SP4: variants seen among roughly 807,000 people sequenced by gnomAD.
SP4 encodes the protein Sp4 transcription factor.
In SP4, 19 loss-of-function variants were observed where a neutral mutation model predicts 72.8. That is an observed-to-expected ratio of 0.26 (90% CI 0.18 to 0.38). The LOEUF is 0.38. SP4 is among the 10% of genes least tolerant of loss of function. The pLI, the probability that SP4 is intolerant of heterozygous loss-of-function variation, is 1.00. For missense variants in SP4, 1,008 were observed against 926.3 expected (o/e 1.09, Z -1.14); for synonymous variants, 395 against 333.1 (o/e 1.19, Z -2.02).
chr7:21,465,256 G>C (rs1253223902), intron 3 of SP4, among the ~76,000 whole-genome samples: 1 of 152,146 alleles, frequency 6.6e-6, no homozygotes, highest in Non-Finnish European at 1.5e-5. Context: ...AGTTTCAAAA[G>C]AGCAATACCT....
In SP4 at chr7:21,513,914, AG is replaced by A. The variant is rs1396679268; in HGVS notation, c.*2646del. ...CTGAGTCTACTTTTCTGTCTTTAGA[AG>A]AATCGTAAATTTCAGTGTCCTTTAT... On this transcript the variant is annotated 3_prime_UTR_variant, in exon 6 of 6. Coordinates refer to ENST00000222584, the MANE Select transcript of SP4 (RefSeq NM_003112.5). The A allele has an allele frequency of 6.6e-6, 1 of 152,486 alleles. No homozygotes were observed. The highest frequency in any genetic ancestry group is 2.4e-5 in the African/African-American group (1 of 41,464). The allele number at this position is 152,486 out of a possible 1,614,324, so 9.4% of individuals were successfully genotyped here. A position where few individuals can be genotyped will look rare whatever the true frequency, so the allele number is the denominator to read the frequency against.
chr7:21,466,946 A>G (rs890883025), intron 3 of SP4, among the ~76,000 whole-genome samples: 6 of 152,154 alleles, frequency 3.9e-5, no homozygotes, highest in African/African-American at 1.4e-4. Context: ...TGTAGTTTTT[A>G]TAGGGATCAC....
rs1782207965 is a variant in SP4 at position 21,513,983 on chromosome 7, AT to A, written c.*2715del. The A allele has an allele frequency of 6.6e-6, 1 of 152,644 alleles. No individual in the cohort carries two copies. Among genetic ancestry groups the A allele is most frequent in the African/African-American group, 2.4e-5 (1 of 41,464 alleles). 9.5% of individuals were successfully genotyped at this position (152,644 alleles called of 1,614,324 possible). On this transcript the variant is annotated 3_prime_UTR_variant, in exon 6 of 6. Coordinates refer to ENST00000222584, the MANE Select transcript of SP4 (RefSeq NM_003112.5). ...AGCTGTTATAAGTAATAGGGCACAG[AT>A]GTGCAGTAGAGTCTTGTTTAATGGC...
intron 3 of SP4, among the ~76,000 whole-genome samples, chr7:21,464,786 C>T (rs77829519): frequency 0.014 from 2,094 of 152,016 alleles, 45 homozygotes; most frequent in East Asian, 0.079. Context: ...GTAATAGAGC[C>T]CAATGTAGAA....
intron 3 of SP4, among the ~76,000 whole-genome samples, chr7:21,465,123 T>C (rs150201460): frequency 0.013 from 1,912 of 152,332 alleles, 14 homozygotes; most frequent in South Asian, 0.033. Flanking sequence ...TTGACAGTTA[T>C]CTGGAGCAAG....
intron 3 of SP4, among the ~76,000 whole-genome samples, chr7:21,444,310 C>A (rs1783354761): frequency 6.6e-6 from 1 of 152,142 alleles, no homozygotes; most frequent in South Asian, 2.1e-4. Context: ...AAGGGTACTT[C>A]TTTGAACCTT....
chr7:21,435,122 G>T (rs183353998), intron 3 of SP4, among the ~76,000 whole-genome samples: 1 of 152,092 alleles, frequency 6.6e-6, no homozygotes, highest in Non-Finnish European at 1.5e-5. Context: ...ACTTATTTTT[G>T]GCAGTAATCA....
intron 5 of SP4, among the ~76,000 whole-genome samples, chr7:21,495,751 A>G (rs146434954): frequency 1.1e-4 from 16 of 152,280 alleles, no homozygotes; most frequent in Middle Eastern, 3.4e-3. Flanking sequence ...CTGAGTATTT[A>G]CCCAAGAGAA....
chr7:21,474,449 T>G (rs1784435742), intron 3 of SP4, among the ~76,000 whole-genome samples: 1 of 152,218 alleles, frequency 6.6e-6, no homozygotes, highest in Admixed American at 6.5e-5. Context: ...AATGCATTTT[T>G]TGCAGTAAAC....
At chr7:21,428,487 A>C (rs1277677974) in intron 1 of SP4, among the ~76,000 whole-genome samples, 190 bp from the exon 2 acceptor site, 1 of 151,982 alleles carries the variant, frequency 6.6e-6, no homozygotes, top group African/African-American at 2.4e-5. Flanking sequence ...GTCGGGTTTC[A>C]AACCACGTTT....
chr7:21,491,099 G>A (rs536658538), intron 5 of SP4, among the ~76,000 whole-genome samples: 57 of 152,164 alleles, frequency 3.7e-4, no homozygotes, highest in African/African-American at 1.3e-3. Flanking sequence ...TCTAGATTTC[G>A]GAATTATCAG....
In SP4 at chr7:21,428,556, A is replaced by T. The variant is rs1782707042; in HGVS notation, c.8-121A>T. The T allele has an allele frequency of 5.0e-6, 5 of 993,088 alleles. No homozygotes were observed. In the East Asian group the frequency reaches 1.1e-4, roughly 21 times the overall value. 61.5% of individuals were successfully genotyped at this position (993,088 alleles called of 1,614,324 possible). A position where few individuals can be genotyped will look rare whatever the true frequency, so the allele number is the denominator to read the frequency against. On this transcript the variant is annotated intron_variant, in intron 1 of 5. Coordinates refer to ENST00000222584, the MANE Select transcript of SP4 (RefSeq NM_003112.5). ...CCCCACCCCCTGCCGGTGTGCGTGGATCGCGGGTTTATGGAGATTAATGTT... is the reference window on the plus strand; with the variant it reads ...CCCCACCCCCTGCCGGTGTGCGTGGTTCGCGGGTTTATGGAGATTAATGTT...
chr7:21,492,611 A>G (rs1166579497), intron 5 of SP4, among the ~76,000 whole-genome samples: 2 of 152,232 alleles, frequency 1.3e-5, no homozygotes, highest in Admixed American at 1.3e-4. Flanking sequence ...GGGAAAATAG[A>G]AGCATGAAAA....
chr7:21,476,043 G>GGT (rs1234649855), intron 3 of SP4, among the ~76,000 whole-genome samples: 1 of 152,082 alleles, frequency 6.6e-6, no homozygotes, highest in African/African-American at 2.4e-5. Flanking sequence ...GGCCAAAGCA[G>GGT]GTGAATCACC....
chr7:21,460,198 A>G (rs549831044), intron 3 of SP4, among the ~76,000 whole-genome samples: 4 of 152,306 alleles, frequency 2.6e-5, no homozygotes, highest in Admixed American at 2.6e-4. Context: ...GAATGAAGCC[A>G]CGGACCCTTG....
At chr7:21,457,338 T>C (rs1783798620) in intron 3 of SP4, among the ~76,000 whole-genome samples, 1 of 152,184 alleles carries the variant, frequency 6.6e-6, no homozygotes, top group African/African-American at 2.4e-5. Context: ...CATAGTTATT[T>C]AGCTAAGTAA....
chr7:21,449,351 C>T (rs1352045686), intron 3 of SP4, among the ~76,000 whole-genome samples: 3 of 152,210 alleles, frequency 2.0e-5, no homozygotes, highest in Non-Finnish European at 2.9e-5. Flanking sequence ...CTGTAACAAA[C>T]TTATCTTTTC....
At chr7:21,495,303 A>T (rs778402415) in intron 5 of SP4, among the ~76,000 whole-genome samples, 3 of 152,148 alleles carry the variant, frequency 2.0e-5, no homozygotes, top group Non-Finnish European at 2.9e-5. Flanking sequence ...CTCTTAACAG[A>T]TACAGATACA....
At position 21,429,534 on chromosome 7, in the gene SP4, T is replaced by G. The variant is rs765616456; in HGVS notation, c.369T>G (p.Ser123Arg). ...ATAACGTTTCTCAACCAGCCTCTAG[T>G]TCGTCTAGTTCTTCCAGCAGTAATA... is the stretch of plus-strand genomic sequence containing the variant. ...KENNVSQPAS[S>R]SSSSSSSNNG... Residue 123 changes from serine (S) to arginine (R), a missense_variant, in exon 3 of 6, where the codon AGT (serine) becomes AGG (arginine). Ser to Arg is a moderately radical substitution (Grantham distance 110, BLOSUM62 -1). Around this residue, in one of 3 missense-constraint regions of SP4, gnomAD observed 893 missense variants for 743.3 expected, o/e 1.20. Transcript: ENST00000222584. 1.2e-6 allele frequency: 2 copies of G among 1,614,020 alleles called. No homozygotes were observed. Among genetic ancestry groups the G allele is most frequent in the Admixed American group, 1.7e-5 (1 of 60,026 alleles).
Sources: allele counts gnomAD v4.1 joint callset (sites outside exome capture counted in the v4.1 genomes callset), GRCh38; gene constraint gnomAD v4.1.1; regional missense constraint gnomAD v4.1.1; transcripts MANE v1.5; gene names NCBI Gene and HGNC (gene_info 2026-07-23, HGNC 2026-07-21).